Variants in FOXN3 observed in about 807,000 individuals in gnomAD.
FOXN3 encodes forkhead box protein N3.
In FOXN3, 7 loss-of-function variants were observed where a neutral mutation model predicts 38.4. That is an observed-to-expected ratio of 0.18 (90% CI 0.10 to 0.34). The LOEUF (loss-of-function observed/expected upper bound fraction) is 0.34, where lower values mean the gene tolerates loss of function less well. Ranked by LOEUF, FOXN3 falls within the 10% of genes least tolerant of loss-of-function variation. The probability of loss-of-function intolerance (pLI) is 1.00; values close to 1 mark genes in which losing one functional copy is unlikely to be tolerated. For missense variants in FOXN3, 456 were observed against 613.4 expected (o/e 0.74, Z 2.71); for synonymous variants, 230 against 242.2 (o/e 0.95, Z 0.47).
At chr14:89,542,047 C>G (rs1894799688) in intron 1 of FOXN3, among the ~76,000 whole-genome samples, 1 of 152,144 alleles carries the variant, frequency 6.6e-6, no homozygotes, top group Middle Eastern at 3.4e-3. Flanking sequence ...AAAGTAAAAG[C>G]AAGTTTATTA....
At chr14:89,418,195 G>T (rs957343918), upstream of FOXN3, among the ~76,000 whole-genome samples, 2 of 152,130 alleles carry the variant, frequency 1.3e-5, no homozygotes, top group African/African-American at 4.8e-5. Flanking sequence ...AAATTGGTTG[G>T]TTCCTCTACA....
chr14:89,565,513 G>A (rs1489142403), intron 1 of FOXN3, among the ~76,000 whole-genome samples: 1 of 152,118 alleles, frequency 6.6e-6, no homozygotes, highest in East Asian at 1.9e-4. Context: ...TGCAATCCCT[G>A]CCCAGGTGAA....
At chr14:89,362,806 T>TCCACCA (rs1249413276) in intron 2 of FOXN3, among the ~76,000 whole-genome samples, 5 of 59,290 alleles carry the variant, frequency 8.4e-5, no homozygotes, top group Non-Finnish European at 1.4e-4. Flanking sequence ...CACCACCACC[T>TCCACCA]CCACCACCAC....
chr14:89,400,312 T>A (rs1460294170), intron 2 of FOXN3, among the ~76,000 whole-genome samples: 2 of 152,216 alleles, frequency 1.3e-5, no homozygotes, highest in African/African-American at 4.8e-5. Flanking sequence ...CTCTTTTTGA[T>A]TGAGAGGTAA....
intron 1 of FOXN3, among the ~76,000 whole-genome samples, chr14:89,531,108 T>TAC (rs968961311): frequency 2.7e-5 from 4 of 148,476 alleles, no homozygotes; most frequent in Non-Finnish European, 4.5e-5. Flanking sequence ...ATATATAATA[T>TAC]ACACACACAC....
chr14:89,357,748 A>G (rs2241125), intron 2 of FOXN3, among the ~76,000 whole-genome samples: 1 of 152,354 alleles, frequency 6.6e-6, no homozygotes, highest in Middle Eastern at 3.4e-3. Flanking sequence ...AAAAATATGT[A>G]TATAAACATA....
chr14:89,358,332 GAA>G (rs1416491017), intron 2 of FOXN3, among the ~76,000 whole-genome samples: 1 of 152,232 alleles, frequency 6.6e-6, no homozygotes, highest in Non-Finnish European at 1.5e-5. Flanking sequence ...AAAAACCAGA[GAA>G]GGAGTTTTCA....
chr14:89,576,889 G>T (rs988002514), intron 1 of FOXN3: 11 of 152,182 alleles, frequency 7.2e-5, no homozygotes, highest in Non-Finnish European at 1.3e-4. Flanking sequence ...CACAGTGGCT[G>T]CCTCCATCCG....
chr14:89,597,007 T>TA (rs991939853), intron 1 of FOXN3, among the ~76,000 whole-genome samples: 9 of 152,062 alleles, frequency 5.9e-5, no homozygotes, highest in Middle Eastern at 3.4e-3. Flanking sequence ...TTCAACACTG[T>TA]AAAAAAAATT....
intron 1 of FOXN3, among the ~76,000 whole-genome samples, chr14:89,574,924 A>C (rs748246364): frequency 6.6e-6 from 1 of 152,140 alleles, no homozygotes; most frequent in African/African-American, 2.4e-5. Flanking sequence ...TTGTGCCTTT[A>C]TAGGAAAGGA....
intron 3 of FOXN3, among the ~76,000 whole-genome samples, chr14:89,347,664 G>A (rs1037991778): frequency 6.6e-6 from 1 of 152,248 alleles, no homozygotes; most frequent in Non-Finnish European, 1.5e-5. Flanking sequence ...TTAGAAAACA[G>A]AGGCATGGGC....
chr14:89,390,892 T>C (rs1387373273), intron 2 of FOXN3, among the ~76,000 whole-genome samples: 1 of 152,080 alleles, frequency 6.6e-6, no homozygotes, highest in Non-Finnish European at 1.5e-5. Context: ...CCTGTACTTA[T>C]TATTTAGGAA....
intron 3 of FOXN3, among the ~76,000 whole-genome samples, chr14:89,288,670 TTCTCTCTCTC>T (rs1202531466): frequency 4.8e-4 from 26 of 54,114 alleles, no homozygotes; most frequent in Middle Eastern, 0.016. Context: ...GGCACTCTCT[TTCTCTCTCTC>T]TCTCTCTCTC....
At chr14:89,322,723 A>C (rs1245204834) in intron 3 of FOXN3, among the ~76,000 whole-genome samples, 1 of 152,132 alleles carries the variant, frequency 6.6e-6, no homozygotes, top group African/African-American at 2.4e-5. Flanking sequence ...GCTGAGTACT[A>C]GCCAGGTACA....
chr14:89,270,574 T>C (rs1013133827), intron 4 of FOXN3, among the ~76,000 whole-genome samples: 1 of 152,168 alleles, frequency 6.6e-6, no homozygotes, highest in Non-Finnish European at 1.5e-5. Flanking sequence ...GTCACTCAGC[T>C]GGTGGGTGGC....
intron 1 of FOXN3, among the ~76,000 whole-genome samples, chr14:89,436,704 C>A (rs1221765009): frequency 1.3e-5 from 2 of 152,196 alleles, no homozygotes; most frequent in Non-Finnish European, 2.9e-5. Context: ...AGTGGTGGAT[C>A]CAGTTTCTTG....
At chr14:89,401,213 G>A (rs562703554) in intron 2 of FOXN3, among the ~76,000 whole-genome samples, 4 of 151,572 alleles carry the variant, frequency 2.6e-5, no homozygotes, top group East Asian at 4.0e-4. Flanking sequence ...AGGTTGAGGC[G>A]GGCGGATCAC....
intron 1 of FOXN3, among the ~76,000 whole-genome samples, chr14:89,522,386 A>T (rs978009826): frequency 3.3e-5 from 5 of 152,220 alleles, no homozygotes; most frequent in Non-Finnish European, 5.9e-5. Flanking sequence ...TCAGGCAGAG[A>T]GACAGTGATA....
intron 2 of FOXN3, among the ~76,000 whole-genome samples, chr14:89,360,862 C>T (rs1889530309): frequency 1.3e-5 from 1 of 76,416 alleles, no homozygotes; most frequent in South Asian, 5.6e-4. Flanking sequence ...TCCACCACCA[C>T]CTCCACCACC....
Sources: gnomAD v4.1 joint callset for allele counts (sites outside exome capture counted in the v4.1 genomes callset) on GRCh38, gnomAD v4.1.1 for gene constraint, MANE v1.5 for transcripts, NCBI Gene and HGNC (gene_info 2026-07-23, HGNC 2026-07-21) for gene names.